The following BTBD9 variants were observed in gnomAD, a reference collection of about 807,000 sequenced individuals.
BTBD9 encodes the protein BTB/POZ domain-containing protein 9.
A neutral mutation model predicts 64.3 loss-of-function variants in BTBD9; 49 were observed. That is an observed-to-expected ratio of 0.76 (90% CI 0.61 to 0.97). The LOEUF is 0.97. Among genes scored for constraint, BTBD9 ranks in the 50% least tolerant of loss-of-function variants. The pLI is 0.00. For synonymous variants in BTBD9, 260 were observed against 274.7 expected (o/e 0.95, Z 0.53); for missense variants, 598 against 762.1 (o/e 0.78, Z 2.53).
chr6:38,252,086 TAGG>T (rs1211264874), intron 9 of BTBD9, among the ~76,000 whole-genome samples: 7 of 152,100 alleles, frequency 4.6e-5, no homozygotes, highest in Non-Finnish European at 7.4e-5. Flanking sequence ...ATAGCAGACT[TAGG>T]AGAACTATGG....
In BTBD9 at chr6:38,592,811, G is replaced by A. The variant is rs2127491683; in HGVS notation, c.579C>T (p.Asp193=). ...TATCTTTTTCGGGAGCTGCAAATGA[G>A]TCTCTTAACACGATGTTTAAAAGTG... ...KTALLNIVLR[D]SFAAPEKDIF... The change falls in exon 4 of 11, where the codon GAC becomes GAT. Residue 193 remains aspartate, a synonymous_variant. Coordinates refer to ENST00000481247, the MANE Select transcript of BTBD9 (RefSeq NM_001099272.2). 2 of 1,614,182 alleles carry A rather than the reference G, an allele frequency of 1.2e-6. No individual in the cohort carries two copies. Among genetic ancestry groups the A allele is most frequent in the Non-Finnish European group, 1.7e-6 (2 of 1,180,032 alleles).
chr6:38,504,872 T>C (rs78145035), intron 6 of BTBD9, among the ~76,000 whole-genome samples: 5,220 of 152,268 alleles, frequency 0.034, 309 homozygotes, highest in African/African-American at 0.12. Context: ...ATTAGGTCGA[T>C]TCCGGTGCAA....
intron 6 of BTBD9, among the ~76,000 whole-genome samples, chr6:38,520,838 T>TTGGGAAGC (rs2127419464): frequency 1.3e-5 from 2 of 152,184 alleles, no homozygotes; most frequent in East Asian, 3.9e-4. Context: ...TCCCAGCTAC[T>TTGGGAAGC]TGGGAAGCTG....
chr6:38,545,225 G>A (rs1476416086), intron 6 of BTBD9, among the ~76,000 whole-genome samples: 4 of 151,924 alleles, frequency 2.6e-5, no homozygotes, highest in African/African-American at 9.7e-5. Flanking sequence ...CCAAGTAGCT[G>A]GGATTACAGG....
intron 7 of BTBD9, among the ~76,000 whole-genome samples, chr6:38,320,980 T>G (rs1480628860): frequency 6.6e-6 from 1 of 152,198 alleles, no homozygotes; most frequent in Admixed American, 6.5e-5. Flanking sequence ...GAGAAAGCAG[T>G]TCCTTCTGAT....
intron 6 of BTBD9, among the ~76,000 whole-genome samples, chr6:38,358,015 GTCTC>G (rs1166735461): frequency 6.6e-6 from 1 of 151,942 alleles, no homozygotes; most frequent in African/African-American, 2.4e-5. Flanking sequence ...TTGTTAGCCG[GTCTC>G]TCTCTTTCTC....
At chr6:38,332,773 C>G (rs1307196069) in intron 7 of BTBD9, among the ~76,000 whole-genome samples, 1 of 152,144 alleles carries the variant, frequency 6.6e-6, no homozygotes, top group African/African-American at 2.4e-5. Flanking sequence ...GAAGAACCAA[C>G]ATCTTTGCAA....
At chr6:38,269,942 C>G (rs189167081) in intron 8 of BTBD9, among the ~76,000 whole-genome samples, 14 of 152,308 alleles carry the variant, frequency 9.2e-5, no homozygotes, top group Non-Finnish European at 1.2e-4. Context: ...GTATTCCAGG[C>G]AAGCTACCAG....
chr6:38,206,105 A>G (rs1041067031), intron 9 of BTBD9, among the ~76,000 whole-genome samples: 3 of 152,034 alleles, frequency 2.0e-5, no homozygotes, highest in Non-Finnish European at 4.4e-5. Flanking sequence ...GACCAGATGT[A>G]TTAACCAGGT....
At chr6:38,237,099 G>A (rs750690839) in intron 9 of BTBD9, among the ~76,000 whole-genome samples, 2 of 152,168 alleles carry the variant, frequency 1.3e-5, no homozygotes, top group Non-Finnish European at 2.9e-5. Context: ...TTCATAAATT[G>A]CACACTTGTC....
chr6:38,492,425 T>C (rs764052235), intron 6 of BTBD9, among the ~76,000 whole-genome samples: 1 of 152,330 alleles, frequency 6.6e-6, no homozygotes, highest in East Asian at 1.9e-4. Context: ...CCTCAGTGTT[T>C]ATAAAGTTCA....
At chr6:38,264,823 C>G (rs190800861) in intron 8 of BTBD9, among the ~76,000 whole-genome samples, 304 of 152,228 alleles carry the variant, frequency 2.0e-3, no homozygotes, top group Non-Finnish European at 3.4e-3. Context: ...GTAGACCAGG[C>G]GGCTGCCCTG....
intron 6 of BTBD9, among the ~76,000 whole-genome samples, chr6:38,500,713 C>A (rs148334794): frequency 6.6e-6 from 1 of 152,184 alleles, no homozygotes; most frequent in Admixed American, 6.5e-5. Context: ...GAAGCGCATG[C>A]ATGAATTCTT....
At chr6:38,561,670 C>T (rs1411989667) in intron 6 of BTBD9, among the ~76,000 whole-genome samples, 8 of 152,152 alleles carry the variant, frequency 5.3e-5, no homozygotes, top group Non-Finnish European at 1.0e-4. Context: ...TAGAGGCCAT[C>T]ATCCTAAGTG....
At chr6:38,635,477 C>A in intron 1 of BTBD9, among the ~76,000 whole-genome samples, 1 of 152,196 alleles carries the variant, frequency 6.6e-6, no homozygotes, top group African/African-American at 2.4e-5. Flanking sequence ...TTTAGAACTA[C>A]TATGGTTTGC....
intron 6 of BTBD9, among the ~76,000 whole-genome samples, chr6:38,425,876 C>T (rs997780630): frequency 6.6e-6 from 1 of 151,158 alleles, no homozygotes; most frequent in African/African-American, 2.5e-5. Context: ...ATAATTAAGC[C>T]ACTGCACTCC....
At chr6:38,371,749 T>C (rs1765438121) in intron 6 of BTBD9, among the ~76,000 whole-genome samples, 1 of 152,146 alleles carries the variant, frequency 6.6e-6, no homozygotes, top group South Asian at 2.1e-4. Context: ...GCTCACAAAA[T>C]AAGGCATGGA....
intron 6 of BTBD9, among the ~76,000 whole-genome samples, chr6:38,447,544 A>C (rs997004392): frequency 6.6e-6 from 1 of 152,250 alleles, no homozygotes; most frequent in African/African-American, 2.4e-5. Context: ...TCAACAATTT[A>C]GCATGTTGCT....
At chr6:38,533,607 T>C (rs1179718976) in intron 6 of BTBD9, among the ~76,000 whole-genome samples, 1 of 152,200 alleles carries the variant, frequency 6.6e-6, no homozygotes, top group Non-Finnish European at 1.5e-5. Context: ...TTCCTCAGCA[T>C]ATGGAACCTT....
Sources: allele counts gnomAD v4.1 joint callset (sites outside exome capture counted in the v4.1 genomes callset), GRCh38; gene constraint gnomAD v4.1.1; transcripts MANE v1.5; gene names NCBI Gene and HGNC (gene_info 2026-07-23, HGNC 2026-07-21).